XPA: variants seen among roughly 807,000 people sequenced by gnomAD.
XPA encodes the protein XPA, DNA damage recognition and repair factor.
Under a neutral mutation model 35.7 loss-of-function variants are expected in XPA, and 27 were observed. The ratio of observed to expected loss-of-function variants is 0.76; its 90% CI spans 0.56 to 1.04. The LOEUF (loss-of-function observed/expected upper bound fraction) is 1.04, where lower values mean the gene tolerates loss of function less well. XPA is among the 50% of genes least tolerant of loss of function. The pLI, the probability that XPA is intolerant of heterozygous loss-of-function variation, is 0.00. For missense variants in XPA, 354 were observed against 342.7 expected, an observed-to-expected ratio of 1.03 and a Z score of -0.26; for synonymous variants, 133 against 118.4, an observed-to-expected ratio of 1.12 and a Z score of -0.80.
At chr9:97,668,133 T>C in the XPA span, among the ~76,000 whole-genome samples, 3 of 152,212 alleles carry the variant, frequency 2.0e-5, no homozygotes, top group Non-Finnish European at 4.4e-5. Flanking sequence ...TGATGCCACC[T>C]TCTTGCTGAA....
the XPA span, among the ~76,000 whole-genome samples, chr9:97,663,610 G>T: frequency 1.7e-4 from 26 of 151,728 alleles, no homozygotes; most frequent in African/African-American, 6.0e-4. Context: ...TCAGCCTCCC[G>T]AGTAGCTGGG....
In XPA at chr9:97,684,929, C is replaced by CT. The variant is rs1554701103; in HGVS notation, c.666dup (p.Val223SerfsTer23). 2 of 1,612,850 alleles carry CT rather than the reference C, an allele frequency of 1.2e-6. No individual in the cohort carries two copies. Among genetic ancestry groups the CT allele is most frequent in the Non-Finnish European group, 1.7e-6 (2 of 1,179,158 alleles). On this transcript the variant is annotated frameshift_variant, in exon 5 of 6. Transcript: ENST00000375128. LOFTEE classifies it high-confidence loss of function. Reference sequence around the variant, plus strand: ...ATAAAATGTGGCCATCTACCTTTTACTTTTTTATCAAATTTCTTCTGTTTC... The same window carrying CT: ...ATAAAATGTGGCCATCTACCTTTTACTTTTTTTATCAAATTTCTTCTGTTTC...
At chr9:97,669,747 G>T in the XPA span, 1 of 1,350,220 alleles carries the variant, frequency 7.4e-7, no homozygotes, top group Non-Finnish European at 1.1e-6. Flanking sequence ...ACTATTCTCA[G>T]CCACAAAGAT....
chr9:97,673,287 ATGT>A (rs879763227), downstream of XPA: 100 of 152,260 alleles, frequency 6.6e-4, 1 homozygote, highest in African/African-American at 2.3e-3. Context: ...CCCTAACCCC[ATGT>A]TGTTCAAGGG....
the XPA span, chr9:97,669,728 G>C: frequency 6.9e-7 from 1 of 1,439,344 alleles, no homozygotes; most frequent in Non-Finnish European, 9.8e-7. Flanking sequence ...ACTTCGATTA[G>C]GTAATAACAC....
the XPA span, chr9:97,658,621 G>C: frequency 6.5e-7 from 1 of 1,548,784 alleles, no homozygotes; most frequent in African/African-American, 1.4e-5. Context: ...ATTTTCTGAG[G>C]CTGTTATTTG....
the XPA span, among the ~76,000 whole-genome samples, chr9:97,663,546 G>A: frequency 5.3e-5 from 8 of 151,808 alleles, no homozygotes; most frequent in African/African-American, 1.5e-4. Flanking sequence ...GTGCAGTGGC[G>A]CAATCTTGGC....
At chr9:97,658,141 T>C in the XPA span, among the ~76,000 whole-genome samples, 1,146 of 151,834 alleles carry the variant, frequency 7.5e-3, 10 homozygotes, top group African/African-American at 0.025. Flanking sequence ...TGGGGTGTCA[T>C]TGGTTCTAAG....
intron 1 of XPA, among the ~76,000 whole-genome samples, chr9:97,695,214 C>T (rs933613463): frequency 2.7e-5 from 4 of 146,148 alleles, no homozygotes; most frequent in African/African-American, 1.1e-4. Flanking sequence ...TATGTTACAC[C>T]TCCATTTATT....
At chr9:97,670,683 C>T (rs953083411), downstream of XPA, among the ~76,000 whole-genome samples, 7 of 152,266 alleles carry the variant, frequency 4.6e-5, no homozygotes, top group East Asian at 7.7e-4. Flanking sequence ...AAGAGTATTT[C>T]GTTTTCTGAC....
chr9:97,668,174 C>T, the XPA span, among the ~76,000 whole-genome samples: 5 of 152,330 alleles, frequency 3.3e-5, no homozygotes, highest in Admixed American at 2.6e-4. Context: ...CTTAGAGCCA[C>T]GTTCTGGCTC....
chr9:97,654,854 T>C, the XPA span: 5 of 1,609,212 alleles, frequency 3.1e-6, no homozygotes, highest in Non-Finnish European at 4.3e-6. Flanking sequence ...AAGTGGAGAA[T>C]AGTTTTCCTT....
chr9:97,670,943 G>T, downstream of XPA: 1 of 482,388 alleles, frequency 2.1e-6, no homozygotes, highest in South Asian at 4.2e-5. Context: ...GATTTTCAGG[G>T]GTCCATTGTT....
downstream of XPA, chr9:97,671,300 ACTTC>A: frequency 2.3e-6 from 2 of 852,890 alleles, no homozygotes; most frequent in Non-Finnish European, 3.6e-6. Flanking sequence ...GTATCCTTTC[ACTTC>A]TTAAAGGAAA....
At chr9:97,676,145 C>T (rs1246044498) in intron 5 of XPA, among the ~76,000 whole-genome samples, 1 of 152,156 alleles carries the variant, frequency 6.6e-6, no homozygotes, top group Non-Finnish European at 1.5e-5. Context: ...TATAAGATGA[C>T]AGCATTATTT....
At chr9:97,683,283 G>A (rs1179137410) in intron 5 of XPA, among the ~76,000 whole-genome samples, 1 of 152,034 alleles carries the variant, frequency 6.6e-6, no homozygotes, top group Non-Finnish European at 1.5e-5. Flanking sequence ...TATCTTTCAG[G>A]GTTCTCCTTG....
the XPA span, chr9:97,654,956 G>A: frequency 1.5e-5 from 23 of 1,562,980 alleles, no homozygotes; most frequent in Non-Finnish European, 1.8e-5. Flanking sequence ...TACAGTAATC[G>A]CTTTACTGCT....
chr9:97,670,524 G>A (rs933170768), downstream of XPA, among the ~76,000 whole-genome samples: 5 of 151,130 alleles, frequency 3.3e-5, no homozygotes, highest in African/African-American at 1.2e-4. Flanking sequence ...AATGATTAAT[G>A]TAGAAGTCAC....
At position 97,697,327 on chromosome 9, in the gene XPA, C is replaced by T. The variant is rs760835851; in HGVS notation, c.-35G>A. 2 of 1,595,584 alleles carry T rather than the reference C, an allele frequency of 1.3e-6. No homozygotes were observed. The highest frequency in any genetic ancestry group is 1.7e-5 in the Admixed American group (1 of 59,910). On this transcript the variant is annotated 5_prime_UTR_variant, in exon 1 of 6. Transcript: ENST00000375128. The stretch of plus-strand genomic sequence containing the variant: ...ACTCCGAGGACCTAGCTCCCAGCTC[C>T]ACGCACGCGCACTGCACGCCGAGGC...
Sources: allele counts gnomAD v4.1 joint callset (sites outside exome capture counted in the v4.1 genomes callset), GRCh38; gene constraint gnomAD v4.1.1; transcripts MANE v1.5; gene names NCBI Gene and HGNC (gene_info 2026-07-23, HGNC 2026-07-21).